The following HIPK2 variants were observed in gnomAD, a reference collection of about 807,000 sequenced individuals.
The protein encoded by HIPK2 is homeodomain interacting protein kinase 2.
A neutral mutation model predicts 113.7 loss-of-function variants in HIPK2; 27 were observed. That is an observed-to-expected ratio of 0.24 (90% CI 0.17 to 0.33). The LOEUF (loss-of-function observed/expected upper bound fraction) is 0.33. HIPK2 is among the 10% of genes least tolerant of loss of function. The pLI is 1.00. For synonymous variants in HIPK2, 631 were observed against 642.2 expected (o/e 0.98, Z 0.26); for missense variants, 1,257 against 1,588.0 (o/e 0.79, Z 3.54).
chr7:139,704,243 A>ACCCCCTCCACACCCAACACATGCAC, intron 2 of HIPK2, among the ~76,000 whole-genome samples: 1 of 92,008 alleles, frequency 1.1e-5, no homozygotes, highest in Non-Finnish European at 2.0e-5. Flanking sequence ...CAACACATGC[A>ACCCCCTCCACACCCAACACATGCAC]CCCCTCCACA....
intron 1 of HIPK2, among the ~76,000 whole-genome samples, chr7:139,729,762 C>T (rs1054968922): frequency 6.6e-6 from 1 of 152,196 alleles, no homozygotes; most frequent in East Asian, 1.9e-4. Flanking sequence ...TTTAAATCCA[C>T]ATTTTTTCAA....
chr7:139,754,557 G>GAGAGAC lies in HIPK2; in HGVS notation c.19+23042_19+23047dup, dbSNP rs1796334627. Among the ~76,000 whole-genome samples the GAGAGAC allele has an allele frequency of 2.0e-5, 3 of 152,234 alleles. No individual in the cohort carries two copies. The South Asian group carries it at 6.2e-4, about 32-fold the overall frequency. On this transcript the variant is annotated intron_variant, in intron 1 of 14. Coordinates refer to ENST00000406875, the MANE Select transcript of HIPK2 (RefSeq NM_022740.5). Reference sequence around the variant, plus strand: ...ACACATAGAAAAGCTAAGTGTGTGAGAGAGACAGAGAGTGTGTGTGTGCAG... The same window carrying GAGAGAC: ...ACACATAGAAAAGCTAAGTGTGTGAGAGAGACAGAGACAGAGAGTGTGTGTGTGCAG...
chr7:139,767,016 A>G (rs564358081), intron 1 of HIPK2, among the ~76,000 whole-genome samples: 1 of 152,332 alleles, frequency 6.6e-6, no homozygotes, highest in Admixed American at 6.5e-5. Flanking sequence ...TGGCTTCTGG[A>G]AGTCACAGCC....
At position 139,572,708 on chromosome 7, in the gene HIPK2, C is replaced by A; in HGVS notation, c.*219G>T. ...AAATGTTCTCTTCTCTGCTCTACGT[C>A]CTCCCACTTCCCGGTTCAAGTTTCA... On this transcript the variant is annotated 3_prime_UTR_variant, in exon 15 of 15. Coordinates refer to ENST00000406875, the MANE Select transcript of HIPK2 (RefSeq NM_022740.5). 1 of 494,830 alleles carries A rather than the reference C, an allele frequency of 2.0e-6. No individual in the cohort carries two copies. The highest frequency in any genetic ancestry group is 4.0e-5 in the South Asian group (1 of 24,768). 30.7% of individuals were successfully genotyped at this position (494,830 alleles called of 1,614,324 possible). A position where few individuals can be genotyped will look rare whatever the true frequency, so the allele number is the denominator to read the frequency against.
chr7:139,644,150 T>TA (rs1257408765), intron 2 of HIPK2, among the ~76,000 whole-genome samples: 1 of 152,250 alleles, frequency 6.6e-6, no homozygotes, highest in Non-Finnish European at 1.5e-5. Flanking sequence ...TGCTCCAGGC[T>TA]CTTTTTAAAT....
rs145237347 is a variant in HIPK2 at position 139,604,541 on chromosome 7, C to T, written c.2113-318G>A. 3.0e-3 allele frequency among the ~76,000 whole-genome samples: 452 copies of T among 151,846 alleles called. 4 individuals carry two copies. The highest frequency in any genetic ancestry group is 0.01 in the African/African-American group (431 of 41,392). On this transcript the variant is annotated intron_variant, in intron 9 of 14. Transcript: ENST00000406875. The stretch of plus-strand genomic sequence containing the variant: ...CTAAAAATACAAAAAATTAGCTGGG[C>T]GTGGTAGCGGGCACCTGTAGTCCCA...
chr7:139,732,680 AT>A, intron 1 of HIPK2, among the ~76,000 whole-genome samples: 1 of 151,756 alleles, frequency 6.6e-6, no homozygotes, highest in East Asian at 1.9e-4. Context: ...CAATCCCCTC[AT>A]CTCTAAAGTG....
rs554730200 is a variant in HIPK2 at position 139,565,784 on chromosome 7, C to T, written c.*7143G>A. On this transcript the variant is annotated 3_prime_UTR_variant, in exon 15 of 15. Coordinates refer to ENST00000406875, the MANE Select transcript of HIPK2 (RefSeq NM_022740.5). ...ACACCAGACCCACATATGGTATTTA[C>T]AAATTTGGTGTGAACCCTGCCTCTG... 1.4e-5 allele frequency: 2 copies of T among 147,490 alleles called. No individual in the cohort carries two copies. Among genetic ancestry groups the T allele is most frequent in the Non-Finnish European group, 3.0e-5 (2 of 67,376 alleles). The allele number at this position is 147,490 out of a possible 1,614,324, so 9.1% of individuals were successfully genotyped here.
At chr7:139,704,265 C>T (rs1474405983) in intron 2 of HIPK2, among the ~76,000 whole-genome samples, 32 of 112,150 alleles carry the variant, frequency 2.9e-4, no homozygotes, top group South Asian at 1.0e-3. Flanking sequence ...CCACACTATA[C>T]CCAACATACA....
At chr7:139,663,943 G>A (rs2116575740) in intron 2 of HIPK2, among the ~76,000 whole-genome samples, 1 of 152,296 alleles carries the variant, frequency 6.6e-6, no homozygotes, top group Non-Finnish European at 1.5e-5. Context: ...TGCCAAGCCA[G>A]TGTCCACATA....
intron 2 of HIPK2, among the ~76,000 whole-genome samples, chr7:139,665,530 A>G (rs1802018192): frequency 6.6e-6 from 1 of 152,064 alleles, no homozygotes; most frequent in African/African-American, 2.4e-5. Flanking sequence ...GCTCTCCTGG[A>G]TAGAGCACTG....
At chr7:139,769,089 C>T (rs1351662634) in intron 1 of HIPK2, among the ~76,000 whole-genome samples, 1 of 152,204 alleles carries the variant, frequency 6.6e-6, no homozygotes, top group Non-Finnish European at 1.5e-5. Context: ...TTGCCAATCC[C>T]AGCAAGTTTT....
At chr7:139,578,005 C>T (rs909776306) in intron 13 of HIPK2, among the ~76,000 whole-genome samples, 7 of 152,068 alleles carry the variant, frequency 4.6e-5, no homozygotes, top group African/African-American at 1.7e-4. Flanking sequence ...CATGCACCAC[C>T]ACGCCCAGCT....
At chr7:139,770,895 A>C (rs1220572312) in intron 1 of HIPK2, among the ~76,000 whole-genome samples, 1 of 152,240 alleles carries the variant, frequency 6.6e-6, no homozygotes, top group Non-Finnish European at 1.5e-5. Flanking sequence ...AGTAGCTATA[A>C]AACCACAAAG....
intron 4 of HIPK2, among the ~76,000 whole-genome samples, chr7:139,629,609 T>A (rs1276617779): frequency 6.6e-6 from 1 of 152,224 alleles, no homozygotes; most frequent in East Asian, 1.9e-4. Flanking sequence ...CCCCAGAGTT[T>A]GTGGCTGGGC....
chr7:139,583,266 A>G, intron 13 of HIPK2, among the ~76,000 whole-genome samples: 1 of 152,148 alleles, frequency 6.6e-6, no homozygotes, highest in East Asian at 1.9e-4. Flanking sequence ...TTTTCAAGAC[A>G]AGCCTTCGCG....
chr7:139,582,091 T>C (rs1467748563), intron 13 of HIPK2, among the ~76,000 whole-genome samples: 7 of 152,190 alleles, frequency 4.6e-5, no homozygotes, highest in Non-Finnish European at 7.4e-5. Flanking sequence ...CTAGAGAATG[T>C]TGCTTCCTGG....
intron 2 of HIPK2, among the ~76,000 whole-genome samples, chr7:139,689,239 G>A (rs1794326312): frequency 6.6e-6 from 1 of 152,198 alleles, no homozygotes; most frequent in Non-Finnish European, 1.5e-5. Flanking sequence ...TTAGAAGTCA[G>A]GAAATGCAAT....
chr7:139,623,255 A>C (rs1193639141), intron 6 of HIPK2, among the ~76,000 whole-genome samples: 1 of 152,186 alleles, frequency 6.6e-6, no homozygotes, highest in African/African-American at 2.4e-5. Flanking sequence ...TCACGCCTGT[A>C]ATCCCAGCAC....
Sources: allele counts gnomAD v4.1 joint callset (sites outside exome capture counted in the v4.1 genomes callset), GRCh38; gene constraint gnomAD v4.1.1; transcripts MANE v1.5; gene names NCBI Gene and HGNC (gene_info 2026-07-23, HGNC 2026-07-21).